Variants in IQUB observed in about 807,000 individuals in gnomAD.
IQUB encodes IQ motif and ubiquitin domain containing.
Under a neutral mutation model 86.4 loss-of-function variants are expected in IQUB, and 86 were observed. The observed-to-expected ratio is 1.00, with a 90% CI of 0.84 to 1.19. The LOEUF (loss-of-function observed/expected upper bound fraction) is 1.19. Among genes scored for constraint, IQUB ranks in the 50% most tolerant of loss-of-function variants. The probability of loss-of-function intolerance (pLI) is 0.00; values close to 1 mark genes in which losing one functional copy is unlikely to be tolerated. For missense variants in IQUB, 946 were observed against 916.9 expected (o/e 1.03, Z -0.41); for synonymous variants, 289 against 304.5 (o/e 0.95, Z 0.53).
intron 1 of IQUB, chr7:123,532,950 G>C (rs529494152): frequency 1.3e-5 from 2 of 152,396 alleles, no homozygotes; most frequent in Non-Finnish European, 2.9e-5. Flanking sequence ...CAGTTGCTCG[G>C]AGCTCCGGCG....
At chr7:123,480,750 C>T (rs1794968766) in intron 7 of IQUB, among the ~76,000 whole-genome samples, 1 of 152,032 alleles carries the variant, frequency 6.6e-6, no homozygotes, top group African/African-American at 2.4e-5. Context: ...ACTTAGGTGC[C>T]ATTTTCCATT....
chr7:123,507,439 TATG>T (rs1240834135), intron 3 of IQUB, among the ~76,000 whole-genome samples: 1 of 152,254 alleles, frequency 6.6e-6, no homozygotes, highest in Non-Finnish European at 1.5e-5. Flanking sequence ...ATTTTTGACA[TATG>T]ATGTTTCCAA....
chr7:123,525,335 C>T (rs994806333), intron 1 of IQUB, among the ~76,000 whole-genome samples: 2 of 152,054 alleles, frequency 1.3e-5, no homozygotes, highest in Non-Finnish European at 2.9e-5. Flanking sequence ...TGGTCCTGGA[C>T]TCTTTTTGGT....
At chr7:123,471,217 G>C (rs979690172) in intron 8 of IQUB, among the ~76,000 whole-genome samples, 3 of 152,052 alleles carry the variant, frequency 2.0e-5, no homozygotes, top group African/African-American at 7.2e-5. Context: ...TTGATTAAAA[G>C]CTTATAAGGA....
rs1381974375 is a variant in IQUB, at chr7:123,452,842, A to G, written c.2277T>C (p.Ala759=). The G allele has an allele frequency of 6.2e-7, 1 of 1,613,598 alleles. No homozygotes were observed. Residue 759 remains alanine (A), a synonymous_variant, in exon 13 of 13, where the codon GCT becomes GCC. Transcript: ENST00000324698. ...TTTCACCATCATCAAGTATAAATGAAGCCAGCACTGGAACCTGAGAAAAAT... is the reference window on the plus strand; with the variant it reads ...TTTCACCATCATCAAGTATAAATGAGGCCAGCACTGGAACCTGAGAAAAAT... ...KNYFSQVPVL[A]SFILDDGEID... is the part of the protein sequence containing the mutation.
At chr7:123,484,905 A>C (rs2117102272) in intron 7 of IQUB, among the ~76,000 whole-genome samples, 1 of 152,222 alleles carries the variant, frequency 6.6e-6, no homozygotes, top group South Asian at 2.1e-4. Context: ...AGTAAAAAGC[A>C]CTATTTCCCA....
chr7:123,484,347 G>A (rs886196109), intron 7 of IQUB, among the ~76,000 whole-genome samples: 15 of 151,972 alleles, frequency 9.9e-5, no homozygotes. Flanking sequence ...TAAGAACTAT[G>A]ATAAAATCTA....
chr7:123,479,345 T>C (rs1337226107), intron 8 of IQUB, among the ~76,000 whole-genome samples: 3 of 152,078 alleles, frequency 2.0e-5, no homozygotes, highest in Non-Finnish European at 4.4e-5. Flanking sequence ...AAATTTGAAG[T>C]CAGTTAATGA....
chr7:123,526,095 AT>A (rs1469035228), intron 1 of IQUB, among the ~76,000 whole-genome samples: 1 of 148,972 alleles, frequency 6.7e-6, no homozygotes, highest in African/African-American at 2.5e-5. Flanking sequence ...GTTCTTTTAC[AT>A]TTGCTGAGGA....
chr7:123,488,845 T>C (rs1315922561), intron 7 of IQUB, among the ~76,000 whole-genome samples: 2 of 152,174 alleles, frequency 1.3e-5, no homozygotes, highest in Admixed American at 6.6e-5. Context: ...ATAAGAAATA[T>C]TAATCACAAT....
intron 1 of IQUB, among the ~76,000 whole-genome samples, chr7:123,513,776 G>A (rs1374808257): frequency 1.3e-5 from 2 of 152,108 alleles, no homozygotes; most frequent in Non-Finnish European, 2.9e-5. Flanking sequence ...AGCCTCCTGA[G>A]TCACTGGGTC....
chr7:123,514,631 T>C (rs1371063981), intron 1 of IQUB, among the ~76,000 whole-genome samples: 2 of 152,190 alleles, frequency 1.3e-5, no homozygotes, highest in Non-Finnish European at 2.9e-5. Context: ...ACAAGTACAG[T>C]GCAGTTTTGT....
chr7:123,496,650 A>G, intron 7 of IQUB, 46 bp downstream of exon 7: 2 of 1,144,910 alleles, frequency 1.7e-6, no homozygotes, highest in Non-Finnish European at 2.5e-6. Context: ...TTTCCTATTA[A>G]TGAAGAATTT....
Position 123,464,923 on chromosome 7 carries a change from GTTATGATGT to G in IQUB, c.1659_1667del (p.Lys553_His555del). 1 of 1,603,862 alleles carries G rather than the reference GTTATGATGT, an allele frequency of 6.2e-7. No homozygotes were observed. The highest frequency in any genetic ancestry group is 1.3e-5 in the African/African-American group (1 of 74,482). On this transcript the variant is annotated inframe_deletion, in exon 10 of 13. Coordinates refer to ENST00000324698, the MANE Select transcript of IQUB (RefSeq NM_178827.5). Reference sequence around the variant, plus strand: ...CAATTCTTTTTCTGAGTCCTTCAAGGTTATGATGTTTGACTCCTCTCATCATAAGGTCAA... The same window carrying G: ...CAATTCTTTTTCTGAGTCCTTCAAGGTTGACTCCTCTCATCATAAGGTCAA...
chr7:123,491,240 C>T (rs1795446869), intron 7 of IQUB, among the ~76,000 whole-genome samples: 1 of 152,092 alleles, frequency 6.6e-6, no homozygotes, highest in Non-Finnish European at 1.5e-5. Flanking sequence ...AAATTTACAG[C>T]ACCAAACACC....
intron 1 of IQUB, among the ~76,000 whole-genome samples, chr7:123,517,374 C>CA (rs1297544931): frequency 2.0e-5 from 3 of 150,910 alleles, no homozygotes; most frequent in East Asian, 3.9e-4. Context: ...ACTAAAAATA[C>CA]AAAAAAATTA....
intron 10 of IQUB, among the ~76,000 whole-genome samples, chr7:123,464,179 G>A (rs1794138940): frequency 6.6e-6 from 1 of 151,768 alleles, no homozygotes; most frequent in Non-Finnish European, 1.5e-5. Flanking sequence ...CAAGAGTTTT[G>A]CTAATAGTGT....
chr7:123,453,190 A>C (rs1039921428), intron 12 of IQUB, among the ~76,000 whole-genome samples: 3 of 150,706 alleles, frequency 2.0e-5, no homozygotes, highest in Non-Finnish European at 4.4e-5. Flanking sequence ...TTTGAGCCAG[A>C]GGCCTGATTT....
chr7:123,523,516 T>C (rs1797016169), intron 1 of IQUB, among the ~76,000 whole-genome samples: 1 of 152,230 alleles, frequency 6.6e-6, no homozygotes, highest in South Asian at 2.1e-4. Flanking sequence ...GAGAAGTGTC[T>C]GTTCATCTCC....
Sources: gnomAD v4.1 joint callset for allele counts (sites outside exome capture counted in the v4.1 genomes callset) on GRCh38, gnomAD v4.1.1 for gene constraint, MANE v1.5 for transcripts, NCBI Gene and HGNC (gene_info 2026-07-23, HGNC 2026-07-21) for gene names.